The following INPP4A variants were observed in gnomAD, a reference collection of about 807,000 sequenced individuals.
The protein encoded by INPP4A is inositol polyphosphate-4-phosphatase type I A.
In INPP4A, 33 loss-of-function variants were observed where a neutral mutation model predicts 119.8. The observed-to-expected ratio is 0.28, with a 90% confidence interval of 0.21 to 0.37. The LOEUF is 0.37. Among genes scored for constraint, INPP4A ranks in the 10% least tolerant of loss-of-function variants. The pLI is 1.00. For missense variants in INPP4A, 956 were observed against 1,289.9 expected (o/e 0.74, Z 3.97); for synonymous variants, 496 against 500.7 (o/e 0.99, Z 0.12).
At chr2:98,540,089 G>C (rs561685669) in intron 10 of INPP4A, among the ~76,000 whole-genome samples, 21 of 152,074 alleles carry the variant, frequency 1.4e-4, no homozygotes, top group Non-Finnish European at 3.1e-4. Flanking sequence ...GCGCCACCAG[G>C]CCTGGCTAAT....
At chr2:98,551,330 A>G (rs181987624) in intron 13 of INPP4A, among the ~76,000 whole-genome samples, 58 of 152,280 alleles carry the variant, frequency 3.8e-4, no homozygotes, top group African/African-American at 1.3e-3. Context: ...CATTTGGAAG[A>G]GTGATTGCAG....
At chr2:98,458,555 G>A (rs1454455116) in intron 1 of INPP4A, among the ~76,000 whole-genome samples, 1 of 152,150 alleles carries the variant, frequency 6.6e-6, no homozygotes, top group Admixed American at 6.5e-5. Context: ...CTCTTTGAGA[G>A]TGGAGTATTT....
rs2278206 is a variant in INPP4A at position 98,555,781 on chromosome 2, A to G, written c.1795A>G (p.Thr599Ala). The change falls in exon 16 of 25, where the codon ACT becomes GCT. Residue 599 changes from threonine (T) to alanine (A), a missense_variant. Around this residue, in one of 2 missense-constraint regions of INPP4A, gnomAD observed 652 missense variants for 797.9 expected, o/e 0.82. Coordinates refer to ENST00000409851, the MANE Select transcript of INPP4A (RefSeq NM_001134225.2). ...ACCATGCCCCTCCACCATGCCCTCC[A>G]CTGCATGCCATCCTCATCTGACCAC... ...SSPCPSTMPSTACHPHLTTHC... is the reference protein window; with the variant it reads ...SSPCPSTMPSAACHPHLTTHC... 0.25 allele frequency: 397,595 copies of G among 1,568,258 alleles called. 51,110 individuals carry two copies. Among genetic ancestry groups the G allele is most frequent in the Middle Eastern group, 0.31 (1,892 of 6,014 alleles).
chr2:98,460,193 G>A (rs933815462), intron 1 of INPP4A, among the ~76,000 whole-genome samples: 66 of 152,058 alleles, frequency 4.3e-4, no homozygotes, highest in African/African-American at 1.5e-3. Context: ...TGCAAGTGTG[G>A]TATTATAGGT....
In INPP4A at chr2:98,543,988, C is replaced by T. The variant is rs74531966; in HGVS notation, c.930C>T (p.Thr310=). 1,127 of 1,566,614 alleles carry T rather than the reference C, an allele frequency of 7.2e-4. 11 individuals are homozygous for T. In the East Asian group the frequency reaches 0.015, roughly 20 times the overall value. ...TIILTYQENL[T]DLHQYRGPSF... ...TCCTCACATACCAGGAGAACCTGAC[C>T]GACCTCCATCAGTACAGAGGTGGGT... The change falls in exon 11 of 25, where the codon ACC becomes ACT. Residue 310 remains threonine (T), a synonymous_variant. Coordinates refer to ENST00000409851, the MANE Select transcript of INPP4A (RefSeq NM_001134225.2).
intron 16 of INPP4A, among the ~76,000 whole-genome samples, chr2:98,556,674 G>A (rs919906424): frequency 6.6e-6 from 1 of 152,236 alleles, no homozygotes; most frequent in Non-Finnish European, 1.5e-5. Context: ...AGCTTCATGT[G>A]ATGAGGGCTT....
intron 23 of INPP4A, among the ~76,000 whole-genome samples, chr2:98,576,488 A>C (rs1698440968): frequency 6.6e-6 from 1 of 152,170 alleles, no homozygotes; most frequent in Non-Finnish European, 1.5e-5. Flanking sequence ...CCGTCTGTTC[A>C]GGTGAAAGAG....
chr2:98,531,714 CTACT>C (rs1465968753), intron 4 of INPP4A, among the ~76,000 whole-genome samples: 5 of 152,148 alleles, frequency 3.3e-5, no homozygotes, highest in African/African-American at 1.2e-4. Context: ...GAGAAAATGA[CTACT>C]TAGAGAACAT....
intron 1 of INPP4A, among the ~76,000 whole-genome samples, chr2:98,456,566 G>A (rs551867181): frequency 2.6e-5 from 4 of 151,968 alleles, no homozygotes; most frequent in African/African-American, 4.8e-5. Context: ...CTTGAACTCC[G>A]GGCATCAAGC....
At chr2:98,536,672 G>A (rs1014981075) in intron 7 of INPP4A, among the ~76,000 whole-genome samples, 3 of 152,228 alleles carry the variant, frequency 2.0e-5, no homozygotes, top group Non-Finnish European at 4.4e-5. Flanking sequence ...ACATCAGGAT[G>A]TCAGTCCTTC....
At chr2:98,512,674 T>C (rs11902825) in intron 1 of INPP4A, among the ~76,000 whole-genome samples, 36,970 of 152,162 alleles carry the variant, frequency 0.24, 4,641 homozygotes, top group Middle Eastern at 0.35. Context: ...AGAGTCCTCG[T>C]GTCCTAATCA....
chr2:98,553,105 C>G, intron 14 of INPP4A, 136 bp downstream of exon 14: 2 of 710,234 alleles, frequency 2.8e-6, no homozygotes, highest in Non-Finnish European at 4.7e-6. Context: ...TACCTTAGGT[C>G]CATTTCGCAC....
At chr2:98,453,038 A>T (rs986826855) in intron 1 of INPP4A, among the ~76,000 whole-genome samples, 1 of 152,180 alleles carries the variant, frequency 6.6e-6, no homozygotes, top group African/African-American at 2.4e-5. Flanking sequence ...TACCTGTGTT[A>T]TGTCCCCTTT....
chr2:98,474,486 G>A (rs1676798913), intron 1 of INPP4A, among the ~76,000 whole-genome samples: 1 of 152,214 alleles, frequency 6.6e-6, no homozygotes, highest in South Asian at 2.1e-4. Context: ...GCCCACGCTG[G>A]CACCACATGG....
intron 13 of INPP4A, among the ~76,000 whole-genome samples, chr2:98,547,830 C>T (rs1294970347): frequency 6.6e-6 from 1 of 151,974 alleles, no homozygotes; most frequent in Non-Finnish European, 1.5e-5. Context: ...CAAGCAGAAG[C>T]ATCCGTCGAC....
chr2:98,584,508 C>T (rs964608542), intron 24 of INPP4A, among the ~76,000 whole-genome samples: 1 of 152,254 alleles, frequency 6.6e-6, no homozygotes, highest in Non-Finnish European at 1.5e-5. Context: ...CCCCATAGCA[C>T]AGAGAAGCTG....
At chr2:98,577,292 C>A in intron 24 of INPP4A, 149 bp downstream of exon 24, 1 of 791,896 alleles carries the variant, frequency 1.3e-6, no homozygotes, top group Non-Finnish European at 1.9e-6. Context: ...ACCCGTCAAA[C>A]TATTGGCACT....
chr2:98,572,996 A>G, intron 23 of INPP4A, 69 bp downstream of exon 23: 1 of 1,170,368 alleles, frequency 8.5e-7, no homozygotes, highest in South Asian at 1.3e-5. Context: ...CAGAAACATT[A>G]CAAAGTAGAA....
chr2:98,447,977 G>A (rs891435530), intron 1 of INPP4A, among the ~76,000 whole-genome samples: 6 of 150,482 alleles, frequency 4.0e-5, no homozygotes, highest in Non-Finnish European at 8.9e-5. Context: ...AACCTGGGAG[G>A]CGGATCTTGC....
Sources: gnomAD v4.1 joint callset for allele counts (sites outside exome capture counted in the v4.1 genomes callset) on GRCh38, gnomAD v4.1.1 for gene constraint, gnomAD v4.1.1 regional missense constraint, MANE v1.5 for transcripts, NCBI Gene and HGNC (gene_info 2026-07-23, HGNC 2026-07-21) for gene names.